OMA1: variants seen among roughly 807,000 people sequenced by gnomAD.
OMA1 encodes metalloendopeptidase OMA1, mitochondrial.
In OMA1, 38 loss-of-function variants were observed where a neutral mutation model predicts 30.9. The ratio of observed to expected loss-of-function variants is 1.23; its 90% CI spans 0.95 to 1.61. OMA1 has a LOEUF of 1.61. Among genes scored for constraint, OMA1 ranks in the 40% most tolerant of loss-of-function variants. OMA1 has a pLI of 0.00. For synonymous variants in OMA1, 173 were observed against 121.9 expected (o/e 1.42, Z -2.76); for missense variants, 461 against 349.2 (o/e 1.32, Z -2.55).
At chr1:58,516,363 A>G (rs1646158067) in intron 7 of OMA1, among the ~76,000 whole-genome samples, 1 of 152,212 alleles carries the variant, frequency 6.6e-6, no homozygotes, top group Non-Finnish European at 1.5e-5. Context: ...CAAAGTGTCA[A>G]AAGCTCTTTA....
At chr1:58,497,686 C>T (rs562452519) in intron 8 of OMA1, among the ~76,000 whole-genome samples, 25 of 152,268 alleles carry the variant, frequency 1.6e-4, no homozygotes, top group Admixed American at 3.9e-4. Context: ...AAGTATGTCT[C>T]CCTCTCTGTA....
chr1:58,494,409 T>C (rs2100387196), intron 8 of OMA1, among the ~76,000 whole-genome samples: 1 of 152,170 alleles, frequency 6.6e-6, no homozygotes, highest in African/African-American at 2.4e-5. Context: ...AAAGCCAAAA[T>C]TGATAAATGG....
intron 7 of OMA1, among the ~76,000 whole-genome samples, chr1:58,523,370 C>T (rs1006989964): frequency 6.6e-6 from 1 of 152,166 alleles, no homozygotes; most frequent in Non-Finnish European, 1.5e-5. Flanking sequence ...ATGATGGAAT[C>T]TTCAGTGGTG....
intron 1 of OMA1, chr1:58,541,614 C>CAAAAAAAAAAAAAAAAAA (rs60360589): frequency 3.0e-5 from 2 of 65,618 alleles, no homozygotes; most frequent in Non-Finnish European, 5.4e-5. Context: ...GAGAACCTGT[C>CAAAAAAAAAAAAAAAAAA]AAAAAAAAAA....
At chr1:58,497,233 A>G (rs1347823206) in intron 8 of OMA1, among the ~76,000 whole-genome samples, 1 of 152,210 alleles carries the variant, frequency 6.6e-6, no homozygotes, top group African/African-American at 2.4e-5. Context: ...CAAACAAAAC[A>G]AAAGGGAGGG....
chr1:58,531,392 T>C (rs747586425), intron 5 of OMA1, among the ~76,000 whole-genome samples: 2 of 152,222 alleles, frequency 1.3e-5, no homozygotes, highest in African/African-American at 2.4e-5. Context: ...CTATGAATTT[T>C]TGTATTTACT....
intron 8 of OMA1, among the ~76,000 whole-genome samples, chr1:58,485,228 TAAA>T (rs71043289): frequency 7.1e-5 from 3 of 42,034 alleles, no homozygotes; most frequent in African/African-American, 1.9e-4. Context: ...AGTCTACTAC[TAAA>T]AAAAAAAAAA....
Position 58,480,813 on chromosome 1 carries a change from T to C in OMA1, c.*152A>G, listed in dbSNP as rs1299276787. 2.5e-5 allele frequency: 13 copies of C among 529,566 alleles called. No individual in the cohort carries two copies. The highest frequency in any genetic ancestry group is 4.1e-5 in the Non-Finnish European group (13 of 313,788). The allele number at this position is 529,566 out of a possible 1,614,324, so 32.8% of individuals were successfully genotyped here. ...ACATCAATATTTCATGAAAAATAAA[T>C]TCTAGAAGAATTTAGATAATATCTG... On this transcript the variant is annotated 3_prime_UTR_variant, in exon 9 of 9. Coordinates refer to ENST00000371226, the MANE Select transcript of OMA1 (RefSeq NM_145243.5).
chr1:58,534,988 A>C (rs1646494240), intron 3 of OMA1, among the ~76,000 whole-genome samples: 1 of 152,242 alleles, frequency 6.6e-6, no homozygotes, highest in Admixed American at 6.5e-5. Context: ...ATTTCATCTA[A>C]GTAAAATACA....
At chr1:58,524,236 A>C (rs926385505) in intron 7 of OMA1, among the ~76,000 whole-genome samples, 7 of 152,178 alleles carry the variant, frequency 4.6e-5, no homozygotes, top group Non-Finnish European at 8.8e-5. Context: ...CTGCATTAAA[A>C]ACCTGTTCCG....
chr1:58,533,275 A>AAAC (rs2100480078), intron 5 of OMA1, among the ~76,000 whole-genome samples: 1 of 152,352 alleles, frequency 6.6e-6, no homozygotes, highest in East Asian at 1.9e-4. Flanking sequence ...TGAAAGGAAG[A>AAAC]AACACTGGAC....
intron 8 of OMA1, among the ~76,000 whole-genome samples, chr1:58,484,044 G>A (rs919772094): frequency 6.6e-6 from 1 of 152,144 alleles, no homozygotes. Context: ...TAAGATCTTT[G>A]TGTATTCAGT....
intron 3 of OMA1, among the ~76,000 whole-genome samples, chr1:58,536,037 AAGAC>A (rs1352863677): frequency 5.3e-5 from 8 of 152,144 alleles, no homozygotes; most frequent in Non-Finnish European, 1.0e-4. Flanking sequence ...TCTAACAAGA[AAGAC>A]AATCAAAAAA....
intron 7 of OMA1, among the ~76,000 whole-genome samples, chr1:58,516,276 G>A (rs1375971091): frequency 1.3e-5 from 2 of 152,108 alleles, no homozygotes; most frequent in African/African-American, 4.8e-5. Flanking sequence ...CCAAACTTAA[G>A]AAACTGTTAC....
Position 58,545,437 on chromosome 1 carries a change from G to A in OMA1, c.-17+1266C>T, listed in dbSNP as rs530822906. Among the ~76,000 whole-genome samples, 6 of 152,194 alleles carry A rather than the reference G, an allele frequency of 3.9e-5. No homozygotes were observed. In the South Asian group the frequency reaches 1.0e-3, roughly 26 times the overall value. ...TAATACCCGGTTTATCCTGAAGAAA[G>A]GGTAAAGAATGAGGGAAGAAATCTA... On this transcript the variant is annotated intron_variant, in intron 1 of 8. Coordinates refer to ENST00000371226, the MANE Select transcript of OMA1 (RefSeq NM_145243.5).
At chr1:58,533,544 C>T (rs527803859) in intron 5 of OMA1, among the ~76,000 whole-genome samples, 7 of 152,250 alleles carry the variant, frequency 4.6e-5, no homozygotes, top group African/African-American at 1.7e-4. Flanking sequence ...ATGCTCCAAG[C>T]TATCCTCTGA....
intron 7 of OMA1, among the ~76,000 whole-genome samples, chr1:58,516,333 A>T (rs12133823): frequency 6.6e-6 from 1 of 152,162 alleles, no homozygotes; most frequent in African/African-American, 2.4e-5. Flanking sequence ...ATTTTTAAAA[A>T]GTCATTTCTA....
intron 1 of OMA1, among the ~76,000 whole-genome samples, chr1:58,539,766 AACTGT>A (rs1646575313): frequency 6.6e-6 from 1 of 152,174 alleles, no homozygotes; most frequent in Non-Finnish European, 1.5e-5. Context: ...AGAGCCCTAC[AACTGT>A]CCTAGCTTAT....
chr1:58,537,451 G>A (rs921552346), intron 2 of OMA1, among the ~76,000 whole-genome samples: 4 of 152,176 alleles, frequency 2.6e-5, no homozygotes, highest in Non-Finnish European at 5.9e-5. Flanking sequence ...CGTGAAAAAG[G>A]AGAGATAACA....
Sources: allele counts gnomAD v4.1 joint callset (sites outside exome capture counted in the v4.1 genomes callset), GRCh38; gene constraint gnomAD v4.1.1; transcripts MANE v1.5; gene names NCBI Gene and HGNC (gene_info 2026-07-23, HGNC 2026-07-21).